Variants in PATJ observed in about 807,000 individuals in gnomAD.
PATJ encodes the protein PATJ crumbs cell polarity complex component.
PATJ carries 190 observed loss-of-function variants against 224.9 expected under a neutral mutation model. That is an observed-to-expected ratio of 0.84 (90% CI 0.75 to 0.95). The LOEUF (loss-of-function observed/expected upper bound fraction) is 0.95. PATJ is among the 40% of genes least tolerant of loss of function. The probability of loss-of-function intolerance (pLI) is 0.00; values close to 1 mark genes in which losing one functional copy is unlikely to be tolerated. For synonymous variants in PATJ, 769 were observed against 820.3 expected (o/e 0.94, Z 1.07); for missense variants, 2,121 against 2,270.3 (o/e 0.93, Z 1.34).
chr1:61,983,025 G>T (rs6587952), intron 27 of PATJ, among the ~76,000 whole-genome samples: 5,112 of 150,616 alleles, frequency 0.034, 333 homozygotes, highest in African/African-American at 0.12. Flanking sequence ...TTTTCATTCT[G>T]TGGTCTTATT....
intron 39 of PATJ, 95 bp downstream of exon 39, chr1:62,123,153 T>C: frequency 2.3e-6 from 2 of 853,406 alleles, no homozygotes; most frequent in Non-Finnish European, 3.8e-6. Flanking sequence ...GGATTGTGAG[T>C]GTGCTCTTTC....
At chr1:61,939,378 A>G (rs1035500827) in intron 27 of PATJ, among the ~76,000 whole-genome samples, 4 of 151,592 alleles carry the variant, frequency 2.6e-5, no homozygotes, top group African/African-American at 7.3e-5. Flanking sequence ...ACACACATAT[A>G]TATACAGTCA....
At chr1:62,134,082 G>A (rs1666553463) in intron 41 of PATJ, among the ~76,000 whole-genome samples, 1 of 151,748 alleles carries the variant, frequency 6.6e-6, no homozygotes, top group Non-Finnish European at 1.5e-5. Context: ...CTAGGTATTG[G>A]TGATGCTGCT....
chr1:62,006,143 T>A (rs1454178444), intron 28 of PATJ, among the ~76,000 whole-genome samples: 2 of 152,196 alleles, frequency 1.3e-5, no homozygotes, highest in African/African-American at 4.8e-5. Flanking sequence ...AGACGCAGTC[T>A]TGCTCTGTCG....
chr1:61,991,214 T>TGATGATGATGAC (rs928743546), intron 28 of PATJ, among the ~76,000 whole-genome samples: 15 of 147,758 alleles, frequency 1.0e-4, no homozygotes, highest in African/African-American at 3.2e-4. Flanking sequence ...ATGATGATGA[T>TGATGATGATGAC]GATGACAATA....
chr1:61,754,520 G>GGT (rs1645514786), intron 1 of PATJ, among the ~76,000 whole-genome samples: 1 of 94,448 alleles, frequency 1.1e-5, no homozygotes, highest in African/African-American at 3.8e-5. Flanking sequence ...TTTTTTGCAT[G>GGT]TTTTTTTTTT....
intron 18 of PATJ, among the ~76,000 whole-genome samples, chr1:61,859,720 A>C (rs1358470292): frequency 6.6e-6 from 1 of 152,092 alleles, no homozygotes; most frequent in Non-Finnish European, 1.5e-5. Flanking sequence ...CCTGGGTTCA[A>C]GTGATTCTTC....
intron 1 of PATJ, among the ~76,000 whole-genome samples, chr1:61,750,435 C>T (rs1444875780): frequency 4.9e-5 from 6 of 121,228 alleles, no homozygotes; most frequent in African/African-American, 9.5e-5. Flanking sequence ...TTTTCTGGAG[C>T]TTTTTTTTTT....
rs970463853 is a variant in PATJ, at chr1:61,833,669, G to A, written c.1996G>A (p.Asp666Asn). 1 of 1,612,096 alleles carries A rather than the reference G, an allele frequency of 6.2e-7. No homozygotes were observed. Among genetic ancestry groups the A allele is most frequent in the Admixed American group, 1.7e-5 (1 of 59,688 alleles). ...GGTATTTCAGGTTGACCACAATATG[G>A]ATGTCAATACTGAAGAAGATGATGA... Reference protein sequence around the residue: ...LPETEVDHNMDVNTEEDDDGE... With the variant: ...LPETEVDHNMNVNTEEDDDGE... The change falls in exon 17 of 44, where the codon GAT (aspartate) becomes AAT (asparagine). Residue 666 changes from aspartate to asparagine, a missense_variant. Asp to Asn is a conservative substitution (Grantham distance 23). Transcript: ENST00000642238.
At position 62,162,208 on chromosome 1, in the gene PATJ, G is replaced by C. The variant is rs1192896929; in HGVS notation, c.*1154G>C. The C allele has an allele frequency of 6.6e-6, 1 of 152,180 alleles. No individual in the cohort carries two copies. Among genetic ancestry groups the C allele is most frequent in the East Asian group, 1.9e-4 (1 of 5,202 alleles). 9.4% of individuals were successfully genotyped at this position (152,180 alleles called of 1,614,324 possible). A position where few individuals can be genotyped will look rare whatever the true frequency, so the allele number is the denominator to read the frequency against. ...CCTGGAATTAATGGCATTTCAGTTGGCAGGCATCATTCCCACCCCTCGGTC... is the reference window on the plus strand; with the variant it reads ...CCTGGAATTAATGGCATTTCAGTTGCCAGGCATCATTCCCACCCCTCGGTC... On this transcript the variant is annotated 3_prime_UTR_variant, in exon 44 of 44. Transcript: ENST00000642238.
At chr1:62,063,217 GC>G (rs1267426289) in intron 31 of PATJ, among the ~76,000 whole-genome samples, 7 of 152,170 alleles carry the variant, frequency 4.6e-5, no homozygotes, top group Admixed American at 4.6e-4. Context: ...TAATTCTTCT[GC>G]AAATGGATAG....
chr1:62,139,831 C>T lies in PATJ; in HGVS notation c.5272-8453C>T, dbSNP rs1435046589. ...CTGGAATCCAGTGTCACGATCATGGCGTGCTGTAGCCTCAACCTCCCGGGC... is the reference window on the plus strand; with the variant it reads ...CTGGAATCCAGTGTCACGATCATGGTGTGCTGTAGCCTCAACCTCCCGGGC... On this transcript the variant is annotated intron_variant, in intron 41 of 43. Transcript: ENST00000642238. 2.0e-5 allele frequency among the ~76,000 whole-genome samples: 3 copies of T among 151,510 alleles called. No individual in the cohort carries two copies. The East Asian group carries it at 5.8e-4, about 29-fold the overall frequency.
chr1:61,753,322 C>T (rs1645435570), intron 1 of PATJ, among the ~76,000 whole-genome samples: 2 of 152,038 alleles, frequency 1.3e-5, no homozygotes, highest in Admixed American at 1.3e-4. Flanking sequence ...TCCCAATTCA[C>T]ATGTGCAGTT....
At chr1:61,821,989 A>G (rs138641305) in intron 14 of PATJ, among the ~76,000 whole-genome samples, 1 of 152,296 alleles carries the variant, frequency 6.6e-6, no homozygotes, top group African/African-American at 2.4e-5. Flanking sequence ...ATGAATCCTC[A>G]CAGACCTAGA....
At chr1:61,900,716 A>G (rs1671031312) in intron 23 of PATJ, among the ~76,000 whole-genome samples, 1 of 151,722 alleles carries the variant, frequency 6.6e-6, no homozygotes, top group Admixed American at 6.6e-5. Flanking sequence ...CAGCCTCCGG[A>G]GTAGCTGGGA....
At chr1:61,751,001 C>CT (rs753746478) in intron 1 of PATJ, among the ~76,000 whole-genome samples, 2,483 of 137,806 alleles carry the variant, frequency 0.018, 120 homozygotes, top group East Asian at 0.15. Flanking sequence ...TTTTATTTTA[C>CT]TTTTTTTTTT....
chr1:61,804,246 A>G (rs949300561), intron 12 of PATJ, among the ~76,000 whole-genome samples: 2 of 152,140 alleles, frequency 1.3e-5, no homozygotes, highest in Non-Finnish European at 2.9e-5. Context: ...GCCCAAATGA[A>G]TTTGATTTTT....
At chr1:61,748,246 CTTTTT>C (rs35918825) in intron 1 of PATJ, among the ~76,000 whole-genome samples, 3 of 65,136 alleles carry the variant, frequency 4.6e-5, no homozygotes, top group East Asian at 5.2e-4. Flanking sequence ...GCCTTAATGC[CTTTTT>C]TTTTTTTTTT....
At chr1:61,799,439 C>A (rs1399603646) in intron 11 of PATJ, among the ~76,000 whole-genome samples, 1 of 152,204 alleles carries the variant, frequency 6.6e-6, no homozygotes, top group African/African-American at 2.4e-5. Flanking sequence ...TCGTGATCCA[C>A]CTGCCTTGGC....
Sources: allele counts gnomAD v4.1 joint callset (sites outside exome capture counted in the v4.1 genomes callset), GRCh38; gene constraint gnomAD v4.1.1; transcripts MANE v1.5; gene names NCBI Gene and HGNC (gene_info 2026-07-23, HGNC 2026-07-21).